INTS2: variants seen among roughly 807,000 people sequenced by gnomAD.
The protein encoded by INTS2 is integrator complex subunit 2, also known as KIAA1287.
In INTS2, 57 loss-of-function variants were observed where a neutral mutation model predicts 139.6. The observed-to-expected ratio is 0.41, with a 90% CI of 0.33 to 0.51. INTS2 has a LOEUF of 0.51. Ranked by LOEUF, INTS2 falls within the 20% of genes least tolerant of loss-of-function variation. The pLI is 0.28. For synonymous variants in INTS2, 473 were observed against 493.4 expected, an observed-to-expected ratio of 0.96 and a Z score of 0.55; for missense variants, 1,196 against 1,436.7, an observed-to-expected ratio of 0.83 and a Z score of 2.71.
Position 61,880,988 on chromosome 17 carries a change from TA to T in INTS2, c.2254+18del, listed in dbSNP as rs2145912730. 2 of 1,593,680 alleles carry T rather than the reference TA, an allele frequency of 1.3e-6. No homozygotes were observed. The highest frequency in any genetic ancestry group is 8.6e-7 in the Non-Finnish European group (1 of 1,162,434). ...TGTACTACAAAAGGGGTTAAAGGAG[TA>T]TCAATAATTTACTATACCTTCTTGG... On this transcript the variant is annotated intron_variant, in intron 17 of 24. Transcript: ENST00000251334.
In INTS2 at chr17:61,867,868, G is replaced by C. The variant is rs1392992604; in HGVS notation, c.3386C>G (p.Ala1129Gly). The C allele has an allele frequency of 6.2e-7, 1 of 1,603,346 alleles. No individual in the cohort carries two copies. Among genetic ancestry groups the C allele is most frequent in the Admixed American group, 1.8e-5 (1 of 56,986 alleles). ...QIGQVCASDV[A>G]TQTRDIDPII... ...TGGATCAATGTCTCTTGTCTGAGTG[G>C]CAACATCAGAGGCACAAACTTGCCC... is the stretch of plus-strand genomic sequence containing the variant. The change falls in exon 24 of 25, where the codon GCC (alanine) becomes GGC (glycine). Residue 1129 changes from alanine to glycine, a missense_variant. Physicochemically the swap from Ala to Gly is moderately conservative, Grantham distance 60 (BLOSUM62 0). Around this residue, in one of 3 missense-constraint regions of INTS2, gnomAD observed 1,129 missense variants for 1,341.9 expected, o/e 0.84. Transcript: ENST00000251334. The surrounding 1 kb of genome is among the most constrained non-coding windows in gnomAD (Gnocchi z 5.6).
At chr17:61,885,982 C>G (rs1278177365) in intron 15 of INTS2, among the ~76,000 whole-genome samples, 1 of 151,932 alleles carries the variant, frequency 6.6e-6, no homozygotes, top group Non-Finnish European at 1.5e-5. Context: ...CCCGCCTTGG[C>G]CTCCCAAACT....
In INTS2 at chr17:61,889,855, C is replaced by T; in HGVS notation, c.1915G>A (p.Ala639Thr). Residue 639 changes from alanine to threonine, a missense_variant, in exon 15 of 25, where the codon GCA (alanine) becomes ACA (threonine). Physicochemically the swap from Ala to Thr is moderately conservative, Grantham distance 58. Transcript: ENST00000251334. The stretch of plus-strand genomic sequence containing the variant: ...ATATAGTAGAGCACCAAAAGCTGTG[C>T]TGTGATACTGAAACGCTGATTAAGG... The part of the protein sequence containing the change: ...IRLNQRFSIT[A>T]QLLVLYYILS... 1.2e-6 allele frequency: 2 copies of T among 1,611,990 alleles called. No individual in the cohort carries two copies. Among genetic ancestry groups the T allele is most frequent in the South Asian group, 1.1e-5 (1 of 90,852 alleles).
chr17:61,887,448 A>G (rs1430661545), intron 15 of INTS2, among the ~76,000 whole-genome samples: 1 of 147,446 alleles, frequency 6.8e-6, no homozygotes, highest in Admixed American at 7.1e-5. Flanking sequence ...GTGCCACTGC[A>G]CTCTAGCCTG....
intron 9 of INTS2, among the ~76,000 whole-genome samples, chr17:61,902,061 A>T (rs924414101): frequency 1.3e-5 from 2 of 152,116 alleles, no homozygotes; most frequent in Non-Finnish European, 1.5e-5. Context: ...GTGTTGCTTC[A>T]TTGTCTTCTA....
chr17:61,914,751 G>C (rs1382270246), intron 5 of INTS2, among the ~76,000 whole-genome samples: 1 of 151,338 alleles, frequency 6.6e-6, no homozygotes. Context: ...GTATCGGCTG[G>C]TAGCCTCACT....
intron 5 of INTS2, among the ~76,000 whole-genome samples, chr17:61,913,992 AAAAC>A (rs767001130): frequency 6.6e-6 from 1 of 152,180 alleles, no homozygotes; most frequent in East Asian, 1.9e-4. Flanking sequence ...AAATAAATAG[AAAAC>A]AAATAACAAG....
intron 5 of INTS2, among the ~76,000 whole-genome samples, chr17:61,914,702 CAAAAAAAAA>C (rs58141533): frequency 6.1e-5 from 3 of 49,368 alleles, no homozygotes; most frequent in East Asian, 5.8e-4. Flanking sequence ...GACTCCGTCT[CAAAAAAAAA>C]AAAAAAAAAA....
chr17:61,898,504 C>T (rs2079372128), intron 9 of INTS2, among the ~76,000 whole-genome samples: 1 of 152,072 alleles, frequency 6.6e-6, no homozygotes, highest in Non-Finnish European at 1.5e-5. Flanking sequence ...CTATGTTGCC[C>T]AGTCTGGTCT....
chr17:61,926,707 T>G, intron 1 of INTS2, 45 bp from the exon 2 acceptor site: 1 of 1,463,964 alleles, frequency 6.8e-7, no homozygotes, highest in Non-Finnish European at 9.4e-7. Flanking sequence ...AACTTTCACA[T>G]GTATGAACAC....
chr17:61,893,148 T>C lies in INTS2; in HGVS notation c.1698+617A>G, dbSNP rs558908426. Among the ~76,000 whole-genome samples, 58 of 151,922 alleles carry C rather than the reference T, an allele frequency of 3.8e-4. No individual in the cohort carries two copies. The highest frequency in any genetic ancestry group is 1.0e-3 in the South Asian group (5 of 4,812). On this transcript the variant is annotated intron_variant, in intron 13 of 24. Transcript: ENST00000251334. The surrounding 1 kb of genome is among the most constrained non-coding windows in gnomAD (Gnocchi z 5.4). ...AATTAGAAAATGGCAGTTTCTAAGT[T>C]TTAATAAAATAGCCATGTGCCACTA... is the stretch of plus-strand genomic sequence containing the variant.
chr17:61,911,060 T>C (rs1248823005), intron 7 of INTS2: 1 of 163,336 alleles, frequency 6.1e-6, no homozygotes, highest in Non-Finnish European at 1.3e-5. Flanking sequence ...TATGTTCACA[T>C]TTAATAGGGT....
At chr17:61,912,229 CT>C (rs1250057665) in intron 5 of INTS2, among the ~76,000 whole-genome samples, 159 bp from the exon 6 acceptor site, 18 of 152,108 alleles carry the variant, frequency 1.2e-4, no homozygotes, top group Admixed American at 1.2e-3. Context: ...GAATAGTAAA[CT>C]CTGGGACAAT....
At chr17:61,916,496 C>T (rs929979244) in intron 5 of INTS2, among the ~76,000 whole-genome samples, 1 of 152,164 alleles carries the variant, frequency 6.6e-6, no homozygotes, top group Non-Finnish European at 1.5e-5. Flanking sequence ...AATAAAGCCA[C>T]ACACCTACAA....
Position 61,906,963 on chromosome 17 carries a change from C to CAAAAAAAA in INTS2, c.1181+437_1181+444dup, listed in dbSNP as rs34773307. Among the ~76,000 whole-genome samples, 101 of 80,142 alleles carry CAAAAAAAA rather than the reference C, an allele frequency of 1.3e-3. 6 individuals are homozygous for CAAAAAAAA. Among genetic ancestry groups the CAAAAAAAA allele is most frequent in the East Asian group, 6.8e-3 (16 of 2,358 alleles). The allele number at this position is 80,142 out of a possible 152,430, so 52.6% of individuals were successfully genotyped here. On this transcript the variant is annotated intron_variant, in intron 8 of 24. Coordinates refer to ENST00000251334, the MANE Select transcript of INTS2 (RefSeq NM_001351695.2). Reference sequence around the variant, plus strand: ...TGGGCGACAGACGGAGATTCCATCTCAAAAAAAAAAAAAAAAAAAAACATT... The same window carrying CAAAAAAAA: ...TGGGCGACAGACGGAGATTCCATCTCAAAAAAAAAAAAAAAAAAAAAAAAAAAAACATT...
At chr17:61,900,352 C>T (rs1280192844) in intron 9 of INTS2, among the ~76,000 whole-genome samples, 1 of 152,188 alleles carries the variant, frequency 6.6e-6, no homozygotes, top group Non-Finnish European at 1.5e-5. Flanking sequence ...GAAGAATACC[C>T]TTCCCTCAGC....
chr17:61,902,637 A>G (rs2079418133), intron 9 of INTS2, among the ~76,000 whole-genome samples: 1 of 151,814 alleles, frequency 6.6e-6, no homozygotes, highest in South Asian at 2.1e-4. Context: ...GGTTTGAGAG[A>G]CTGAGGTGGG....
intron 7 of INTS2, among the ~76,000 whole-genome samples, chr17:61,908,415 C>CA (rs1255397086): frequency 4.0e-5 from 6 of 151,442 alleles, no homozygotes; most frequent in African/African-American, 7.3e-5. Context: ...ACTCTCGTCT[C>CA]AAAAAAAACA....
rs770988525 is a variant in INTS2 at position 61,872,466 on chromosome 17, C to A, written c.2583-6G>T. On this transcript the variant is annotated splice_polypyrimidine_tract_variant and splice_region_variant and intron_variant, in intron 19 of 24. Transcript: ENST00000251334. This position sits in a 1 kb window ranked among gnomAD's most constrained non-coding sequence, Gnocchi z 4.8. The stretch of plus-strand genomic sequence containing the variant: ...TATCCATCAGTGGGGGGCATCTAAA[C>A]AAGGAAAGCAGAAAAGAAAAATATA... 2 of 1,527,976 alleles carry A rather than the reference C, an allele frequency of 1.3e-6. No individual in the cohort carries two copies. Among genetic ancestry groups the A allele is most frequent in the Non-Finnish European group, 1.8e-6 (2 of 1,126,092 alleles). The allele number at this position is 1,527,976 out of a possible 1,614,324, so 94.7% of individuals were successfully genotyped here. A position where few individuals can be genotyped will look rare whatever the true frequency, so the allele number is the denominator to read the frequency against.
Sources: allele counts gnomAD v4.1 joint callset (sites outside exome capture counted in the v4.1 genomes callset), GRCh38; gene constraint gnomAD v4.1.1; regional missense constraint gnomAD v4.1.1; non-coding constraint Gnocchi (gnomAD v3.1); transcripts MANE v1.5; gene names NCBI Gene and HGNC (gene_info 2026-07-23, HGNC 2026-07-21).